EML4: variants seen among roughly 807,000 people sequenced by gnomAD.
EML4 encodes EMAP like 4.
In EML4, 72 loss-of-function variants were observed where a neutral mutation model predicts 129.0. That is an observed-to-expected ratio of 0.56 (90% CI 0.46 to 0.68). The LOEUF is 0.68. Ranked by LOEUF, EML4 falls within the 30% of genes least tolerant of loss-of-function variation. EML4 has a pLI of 0.00. For missense variants in EML4, 1,363 were observed against 1,190.6 expected (o/e 1.14, Z -2.13); for synonymous variants, 532 against 405.0 (o/e 1.31, Z -3.77).
At chr2:42,252,999 G>A (rs1558542519) in intron 2 of EML4, among the ~76,000 whole-genome samples, 1 of 152,130 alleles carries the variant, frequency 6.6e-6, no homozygotes, top group East Asian at 1.9e-4. Context: ...AAACATAAGA[G>A]TAGGATTATA....
chr2:42,191,213 C>T (rs1671561039), intron 1 of EML4, among the ~76,000 whole-genome samples: 1 of 151,950 alleles, frequency 6.6e-6, no homozygotes, highest in East Asian at 1.9e-4. Context: ...GTGTGTCATG[C>T]TTAATATAAA....
At chr2:42,216,408 A>G (rs1278396602) in intron 1 of EML4, among the ~76,000 whole-genome samples, 1 of 150,830 alleles carries the variant, frequency 6.6e-6, no homozygotes, top group Non-Finnish European at 1.5e-5. Context: ...ACACCTGGCT[A>G]ATTTTTGTGT....
chr2:42,315,577 T>TA (rs1231827734), intron 17 of EML4, among the ~76,000 whole-genome samples: 6 of 151,900 alleles, frequency 3.9e-5, no homozygotes, highest in East Asian at 3.9e-4. Flanking sequence ...TTCTTAAAAG[T>TA]AAAAAAATAG....
At chr2:42,240,506 A>G (rs1674955890) in intron 1 of EML4, among the ~76,000 whole-genome samples, 1 of 152,112 alleles carries the variant, frequency 6.6e-6, no homozygotes, top group African/African-American at 2.4e-5. Flanking sequence ...ATTATTCAGT[A>G]CATATTGTTT....
At chr2:42,283,807 C>T (rs1016214864) in intron 8 of EML4, among the ~76,000 whole-genome samples, 1 of 152,182 alleles carries the variant, frequency 6.6e-6, no homozygotes, top group African/African-American at 2.4e-5. Context: ...CAGTTGGGGA[C>T]TACTGGTGAG....
intron 2 of EML4, among the ~76,000 whole-genome samples, chr2:42,249,965 G>A (rs1426362432): frequency 6.6e-6 from 1 of 152,170 alleles, no homozygotes; most frequent in Non-Finnish European, 1.5e-5. Context: ...AAAAGGGAAG[G>A]CCCAGAGAAC....
At chr2:42,329,633 C>T (rs1669990876) in intron 22 of EML4, 101 bp from the exon 23 acceptor site, 2 of 919,400 alleles carry the variant, frequency 2.2e-6, no homozygotes, top group East Asian at 4.9e-5. Flanking sequence ...TTGCCCATTT[C>T]ACAAGCTGAG....
intron 1 of EML4, among the ~76,000 whole-genome samples, chr2:42,232,150 G>A (rs1220197082): frequency 2.6e-5 from 4 of 152,122 alleles, no homozygotes; most frequent in Non-Finnish European, 4.4e-5. Context: ...CTGAGACTGG[G>A]TCTCACAAGC....
chr2:42,244,094 G>GTT (rs898798718), intron 1 of EML4, among the ~76,000 whole-genome samples: 299 of 44,812 alleles, frequency 6.7e-3, no homozygotes, highest in Non-Finnish European at 0.012. Context: ...TTTTGTTTTT[G>GTT]TTTTTTGTTT....
rs1289313988 is a variant in EML4 at position 42,284,697 on chromosome 2, T to C, written c.1005T>C (p.Asp335=). 1.9e-6 allele frequency: 3 copies of C among 1,612,362 alleles called. No homozygotes were observed. The highest frequency in any genetic ancestry group is 2.5e-6 in the Non-Finnish European group (3 of 1,179,094). The change falls in exon 9 of 23, where the codon GAT becomes GAC. Residue 335 remains aspartate (D), a synonymous_variant. Coordinates refer to ENST00000318522, the MANE Select transcript of EML4 (RefSeq NM_019063.5). ...ATGQIAGVDK[D]GRPLQPHVRV... ...GACAGATAGCTGGCGTGGATAAAGA[T>C]GGAAGGGTGAGTGGCATAGTGTTAT...
At chr2:42,223,617 A>T (rs1398971370) in intron 1 of EML4, among the ~76,000 whole-genome samples, 3 of 152,096 alleles carry the variant, frequency 2.0e-5, no homozygotes, top group Non-Finnish European at 4.4e-5. Flanking sequence ...TTTCCCCATG[A>T]CAAGAGTACA....
At chr2:42,304,660 A>C in intron 17 of EML4, 109 bp downstream of exon 17, 4 of 836,442 alleles carry the variant, frequency 4.8e-6, no homozygotes, top group Non-Finnish European at 8.1e-6. Context: ...TGGCACACTA[A>C]TATGCTTGTT....
intron 13 of EML4, among the ~76,000 whole-genome samples, chr2:42,296,623 G>A (rs537656926): frequency 6.6e-5 from 10 of 152,292 alleles, no homozygotes; most frequent in African/African-American, 2.2e-4. Context: ...CCCTGGGCTA[G>A]CACAGTGTCT....
At chr2:42,233,487 T>G (rs753165860) in intron 1 of EML4, among the ~76,000 whole-genome samples, 7 of 151,872 alleles carry the variant, frequency 4.6e-5, no homozygotes, top group Non-Finnish European at 8.8e-5. Flanking sequence ...TTTTTTATTT[T>G]TAGTAGAGAC....
chr2:42,303,079 G>T (rs1668381991), intron 14 of EML4, 25 bp from the exon 15 acceptor site: 2 of 1,611,464 alleles, frequency 1.2e-6, no homozygotes, highest in Non-Finnish European at 1.7e-6. Context: ...GTATGTATAT[G>T]GTGACTTTAC....
intron 20 of EML4, 48 bp downstream of exon 20, chr2:42,325,602 T>TTTTTATATA (rs1286364147): frequency 1.6e-5 from 2 of 124,280 alleles, no homozygotes; most frequent in African/African-American, 5.9e-5. Flanking sequence ...ATGATTATAT[T>TTTTTATATA]TATATATATA....
chr2:42,173,564 C>T (rs1350247177), intron 1 of EML4, among the ~76,000 whole-genome samples: 1 of 122,520 alleles, frequency 8.2e-6, no homozygotes, highest in African/African-American at 2.5e-5. Flanking sequence ...AAATAAGTAC[C>T]ATGACTAGGT....
rs1670060800 is a variant in EML4 at position 42,330,714 on chromosome 2, T to C, written c.*507T>C. The C allele has an allele frequency of 8.7e-6, 2 of 230,320 alleles. No individual in the cohort carries two copies. The highest frequency in any genetic ancestry group is 1.1e-4 in the South Asian group (1 of 9,466). 14.3% of individuals were successfully genotyped at this position (230,320 alleles called of 1,614,324 possible). On this transcript the variant is annotated 3_prime_UTR_variant, in exon 23 of 23. Transcript: ENST00000318522. ...CAAATGTGTAATGGAAAATTTTTAA[T>C]TAAGAAAAACTTCAGTTTTGCCAAG...
chr2:42,217,464 T>G (rs1452649824), intron 1 of EML4, among the ~76,000 whole-genome samples: 1 of 152,204 alleles, frequency 6.6e-6, no homozygotes, highest in Admixed American at 6.5e-5. Context: ...TGGCCCTCTG[T>G]GGAAACAGAT....
Sources: gnomAD v4.1 joint callset for allele counts (sites outside exome capture counted in the v4.1 genomes callset) on GRCh38, gnomAD v4.1.1 for gene constraint, MANE v1.5 for transcripts, NCBI Gene and HGNC (gene_info 2026-07-23, HGNC 2026-07-21) for gene names.